The following SAAL1 variants were observed in gnomAD, a reference collection of about 807,000 sequenced individuals.
SAAL1 encodes serum amyloid A like 1.
Under a neutral mutation model 59.8 loss-of-function variants are expected in SAAL1, and 42 were observed. That is an observed-to-expected ratio of 0.70 (90% CI 0.55 to 0.91). SAAL1 has a LOEUF of 0.91. Ranked by LOEUF, SAAL1 falls within the 40% of genes least tolerant of loss-of-function variation. The pLI is 0.00. For synonymous variants in SAAL1, 191 were observed against 194.3 expected (o/e 0.98, Z 0.14); for missense variants, 542 against 561.1 (o/e 0.97, Z 0.34).
chr11:18,101,899 C>CA (rs1848638276), intron 2 of SAAL1, among the ~76,000 whole-genome samples: 1 of 148,470 alleles, frequency 6.7e-6, no homozygotes, highest in African/African-American at 2.5e-5. Context: ...AGAGCCAGAC[C>CA]AAAAAAAGCA....
intron 9 of SAAL1, among the ~76,000 whole-genome samples, chr11:18,086,158 C>T (rs1462803641): frequency 1.3e-5 from 2 of 152,070 alleles, no homozygotes; most frequent in African/African-American, 4.8e-5. Context: ...AATCCCAGCA[C>T]TCTGGAAGGC....
intron 9 of SAAL1, among the ~76,000 whole-genome samples, chr11:18,086,591 C>T (rs932398283): frequency 1.3e-5 from 2 of 152,004 alleles, no homozygotes; most frequent in African/African-American, 4.8e-5. Context: ...ATCCCAGGTA[C>T]TTGGGAGGCT....
At chr11:18,085,061 T>G (rs767845516) in intron 9 of SAAL1, among the ~76,000 whole-genome samples, 1 of 152,198 alleles carries the variant, frequency 6.6e-6, no homozygotes, top group South Asian at 2.1e-4. Context: ...CCACAGCACC[T>G]GGCTGTAAAA....
At chr11:18,101,449 C>T (rs970623505) in intron 2 of SAAL1, among the ~76,000 whole-genome samples, 18 of 152,192 alleles carry the variant, frequency 1.2e-4, no homozygotes, top group African/African-American at 3.9e-4. Flanking sequence ...GTTTTATAAG[C>T]GTCTGGCATT....
chr11:18,084,784 G>T (rs1848445450), intron 9 of SAAL1, among the ~76,000 whole-genome samples: 2 of 152,046 alleles, frequency 1.3e-5, no homozygotes, highest in South Asian at 4.2e-4. Context: ...TTGGAGGGGG[G>T]GTGCGGAGTA....
intron 3 of SAAL1, 77 bp from the exon 4 acceptor site, chr11:18,092,401 CT>C: frequency 1.0e-6 from 1 of 989,756 alleles, no homozygotes; most frequent in Non-Finnish European, 1.6e-6. Flanking sequence ...TGAACAAAAA[CT>C]TTCGCTGAGC....
At chr11:18,082,781 G>A (rs11024468) in intron 10 of SAAL1, among the ~76,000 whole-genome samples, 27,722 of 151,990 alleles carry the variant, frequency 0.18, 3,144 homozygotes, top group Non-Finnish European at 0.25. Flanking sequence ...ACAGGCGTGT[G>A]CCACCATGCC....
At chr11:18,084,780 G>C (rs566467285) in intron 9 of SAAL1, among the ~76,000 whole-genome samples, 95 of 152,142 alleles carry the variant, frequency 6.2e-4, no homozygotes, top group African/African-American at 2.2e-3. Context: ...GTTTTTGGAG[G>C]GGGGGTGCGG....
At chr11:18,098,346 G>A (rs1459793588) in intron 2 of SAAL1, among the ~76,000 whole-genome samples, 1 of 152,158 alleles carries the variant, frequency 6.6e-6, no homozygotes, top group Non-Finnish European at 1.5e-5. Flanking sequence ...GCCTAAAGGG[G>A]CGTAACACAC....
intron 6 of SAAL1, 144 bp downstream of exon 6, chr11:18,090,031 G>A (rs571020998): frequency 9.2e-6 from 7 of 762,212 alleles, no homozygotes; most frequent in African/African-American, 7.2e-5. Flanking sequence ...CTGGGTGACA[G>A]AGCAAGATTC....
Position 18,103,303 on chromosome 11 carries a change from T to G in SAAL1, c.179A>C (p.Glu60Ala). The G allele has an allele frequency of 6.2e-7, 1 of 1,613,944 alleles. No individual in the cohort carries two copies. The highest frequency in any genetic ancestry group is 8.5e-7 in the Non-Finnish European group (1 of 1,179,964). ...TTCTTCATCAAGCTCCGTCAGCTGC[T>G]CCTCATCATCTGAGCTAGATTTGGT... ...ENTKSSSDDE[E>A]QLTELDEEME... Residue 60 changes from glutamate (E) to alanine (A), a missense_variant, in exon 2 of 12, where the codon GAG (glutamate) becomes GCG (alanine). Glu to Ala is a moderately radical substitution (Grantham distance 107). Coordinates refer to ENST00000524803, the MANE Select transcript of SAAL1 (RefSeq NM_138421.3).
rs1220866133 is a variant in SAAL1, at chr11:18,106,082, T to G, written c.-41A>C. On this transcript the variant is annotated 5_prime_UTR_variant, in exon 1 of 12. Coordinates refer to ENST00000524803, the MANE Select transcript of SAAL1 (RefSeq NM_138421.3). ...CGCGCTTGAAGGCCGTGCCGGAAGC[T>G]GCGGAGGAGACGACCGGCGCCCTAG... The G allele has an allele frequency of 6.4e-7, 1 of 1,565,928 alleles. No individual in the cohort carries two copies. The highest frequency in any genetic ancestry group is 1.2e-5 in the South Asian group (1 of 85,010).
chr11:18,096,424 A>G (rs937568024), intron 3 of SAAL1, among the ~76,000 whole-genome samples: 1 of 151,928 alleles, frequency 6.6e-6, no homozygotes, highest in African/African-American at 2.4e-5. Context: ...CCACAAAATA[A>G]AAATAAAAAT....
intron 4 of SAAL1, among the ~76,000 whole-genome samples, chr11:18,091,912 T>C (rs1287881578): frequency 1.3e-5 from 2 of 152,222 alleles, no homozygotes; most frequent in South Asian, 2.1e-4. Flanking sequence ...AGCTGAGTCA[T>C]TGGATTCCCT....
chr11:18,105,808 TG>T (rs1363233785), intron 1 of SAAL1, 98 bp downstream of exon 1: 3 of 1,397,776 alleles, frequency 2.1e-6, no homozygotes, highest in Non-Finnish European at 2.8e-6. Flanking sequence ...GGGGTCTTTG[TG>T]GGGATGGCGG....
At position 18,081,451 on chromosome 11, in the gene SAAL1, G is replaced by A. The variant is rs768512327; in HGVS notation, c.1292C>T (p.Ser431Phe). 1.2e-6 allele frequency: 2 copies of A among 1,613,964 alleles called. No homozygotes were observed. Among genetic ancestry groups the A allele is most frequent in the South Asian group, 1.1e-5 (1 of 91,064 alleles). Residue 431 changes from serine (S) to phenylalanine (F), a missense_variant, in exon 11 of 12, where the codon TCC becomes TTC. Physicochemically the swap from Ser to Phe is radical, Grantham distance 155. Coordinates refer to ENST00000524803, the MANE Select transcript of SAAL1 (RefSeq NM_138421.3). ...AGGAAGAAGGTTTTGAAATGCAGAG[G>A]AACACTTCTGTTTGCTCAACTGGCC... ...KEGQLSKQKC[S>F]SAFQNLLPFY...
intron 2 of SAAL1, among the ~76,000 whole-genome samples, chr11:18,098,560 T>G (rs556395605): frequency 6.6e-6 from 1 of 152,348 alleles, no homozygotes; most frequent in African/African-American, 2.4e-5. Flanking sequence ...ATAAGCTGCA[T>G]GGCTTATGTG....
chr11:18,096,627 C>T, intron 3 of SAAL1, 144 bp downstream of exon 3: 2 of 615,026 alleles, frequency 3.3e-6, no homozygotes, highest in South Asian at 1.9e-5. Context: ...TACCTAGGAC[C>T]TGGCAATGTT....
chr11:18,096,389 G>T (rs1327481157), intron 3 of SAAL1, among the ~76,000 whole-genome samples: 1 of 151,982 alleles, frequency 6.6e-6, no homozygotes, highest in Non-Finnish European at 1.5e-5. Flanking sequence ...AGACCAGCCT[G>T]GGCAACATAA....
Sources: gnomAD v4.1 joint callset for allele counts (sites outside exome capture counted in the v4.1 genomes callset) on GRCh38, gnomAD v4.1.1 for gene constraint, MANE v1.5 for transcripts, NCBI Gene and HGNC (gene_info 2026-07-23, HGNC 2026-07-21) for gene names.